Variants in TJP1 observed in about 807,000 individuals in gnomAD.
TJP1 encodes tight junction protein ZO-1.
A neutral mutation model predicts 194.2 loss-of-function variants in TJP1; 43 were observed. That is an observed-to-expected ratio of 0.22 (90% CI 0.17 to 0.29). TJP1 has a LOEUF of 0.29. Among genes scored for constraint, TJP1 ranks in the 10% least tolerant of loss-of-function variants. The pLI is 1.00. For missense variants in TJP1, 1,971 were observed against 2,185.7 expected (o/e 0.90, Z 1.96); for synonymous variants, 801 against 779.0 (o/e 1.03, Z -0.47).
At chr15:29,900,843 C>T (rs1033864012) in intron 2 of TJP1, among the ~76,000 whole-genome samples, 2 of 152,142 alleles carry the variant, frequency 1.3e-5, no homozygotes, top group Non-Finnish European at 2.9e-5. Context: ...AATCCACCCT[C>T]AGGAGTTTAT....
At chr15:29,869,686 G>A (rs1040442039) in intron 2 of TJP1, among the ~76,000 whole-genome samples, 13 of 151,052 alleles carry the variant, frequency 8.6e-5, no homozygotes, top group Admixed American at 7.3e-4. Flanking sequence ...TACAGACACC[G>A]CATCACCCGC....
chr15:29,863,335 T>C (rs1391453222), intron 2 of TJP1, among the ~76,000 whole-genome samples: 1 of 152,034 alleles, frequency 6.6e-6, no homozygotes, highest in Non-Finnish European at 1.5e-5. Flanking sequence ...GCTTGCAATA[T>C]GGACGATGGT....
intron 2 of TJP1, among the ~76,000 whole-genome samples, chr15:29,955,953 T>C (rs1005671362): frequency 6.6e-6 from 1 of 152,048 alleles, no homozygotes; most frequent in African/African-American, 2.4e-5. Context: ...TTCACATTAA[T>C]ACTCTATCGA....
intron 2 of TJP1, among the ~76,000 whole-genome samples, chr15:29,830,883 A>G (rs2050817694): frequency 6.6e-6 from 1 of 152,216 alleles, no homozygotes; most frequent in South Asian, 2.1e-4. Flanking sequence ...AAGAATAATG[A>G]GTCAAAAGGA....
intron 23 of TJP1, among the ~76,000 whole-genome samples, chr15:29,713,873 T>C (rs1398349642): frequency 6.6e-6 from 1 of 152,210 alleles, no homozygotes; most frequent in Admixed American, 6.5e-5. Flanking sequence ...GCCCAAACTA[T>C]ACTTTTCTCT....
intron 2 of TJP1, among the ~76,000 whole-genome samples, chr15:29,851,895 G>T (rs540989110): frequency 6.6e-6 from 1 of 152,116 alleles, no homozygotes; most frequent in Non-Finnish European, 1.5e-5. Flanking sequence ...TAGCCTTTTG[G>T]ATAAATGGTG....
intron 3 of TJP1, 144 bp from the exon 4 acceptor site, chr15:29,772,310 A>C: frequency 3.6e-6 from 2 of 555,860 alleles, no homozygotes; most frequent in Non-Finnish European, 6.2e-6. Context: ...TGATAAAATA[A>C]TGTCAACTGA....
Position 29,746,683 on chromosome 15 carries a change from A to G in TJP1, c.1011-3902T>C, listed in dbSNP as rs372592048. On this transcript the variant is annotated intron_variant, in intron 8 of 27. Transcript: ENST00000614355. ...AGATTGAAAAAATATATTTAAAATTATTTTTAAAGACTAACTTTAAACATA... is the reference window on the plus strand; with the variant it reads ...AGATTGAAAAAATATATTTAAAATTGTTTTTAAAGACTAACTTTAAACATA... Among the ~76,000 whole-genome samples, 3 of 152,170 alleles carry G rather than the reference A, an allele frequency of 2.0e-5. No individual in the cohort carries two copies. In the East Asian group the frequency reaches 5.8e-4, roughly 29 times the overall value.
chr15:29,906,508 T>TAAATAAATAAATAAAG (rs2053819654), intron 2 of TJP1, among the ~76,000 whole-genome samples: 1 of 149,850 alleles, frequency 6.7e-6, no homozygotes, highest in Non-Finnish European at 1.5e-5. Flanking sequence ...AATAAATAAA[T>TAAATAAATAAATAAAG]AAAGTTTAAT....
intron 2 of TJP1, among the ~76,000 whole-genome samples, chr15:29,928,630 T>G (rs2054599349): frequency 6.6e-6 from 1 of 152,162 alleles, no homozygotes; most frequent in Admixed American, 6.5e-5. Flanking sequence ...AATCTTACTC[T>G]CACAATAGTA....
At chr15:29,805,506 G>GT (rs1172952847) in intron 1 of TJP1, among the ~76,000 whole-genome samples, 1 of 152,170 alleles carries the variant, frequency 6.6e-6, no homozygotes, top group Non-Finnish European at 1.5e-5. Context: ...CCTTATGGCT[G>GT]TAATTTCAAA....
At chr15:29,802,091 A>G (rs2151894794) in intron 1 of TJP1, among the ~76,000 whole-genome samples, 1 of 152,308 alleles carries the variant, frequency 6.6e-6, no homozygotes, top group South Asian at 2.1e-4. Context: ...TAATGTTACC[A>G]TTTTATGAAA....
intron 4 of TJP1, among the ~76,000 whole-genome samples, chr15:29,768,824 T>A (rs1174443859): frequency 6.6e-6 from 1 of 151,976 alleles, no homozygotes; most frequent in Non-Finnish European, 1.5e-5. Flanking sequence ...AAATTTGGAA[T>A]CAAAATATTT....
intron 2 of TJP1, among the ~76,000 whole-genome samples, chr15:29,847,368 T>G (rs1275316609): frequency 6.6e-6 from 1 of 152,216 alleles, no homozygotes; most frequent in East Asian, 1.9e-4. Context: ...TATTTTTAAT[T>G]CTATTAATTT....
At chr15:29,914,221 T>C (rs964425227) in intron 2 of TJP1, among the ~76,000 whole-genome samples, 3 of 152,204 alleles carry the variant, frequency 2.0e-5, no homozygotes, top group African/African-American at 4.8e-5. Context: ...TAAATAAATA[T>C]AGTTTCTTCC....
At chr15:29,771,989 T>A in intron 4 of TJP1, 75 bp downstream of exon 4, 1 of 930,676 alleles carries the variant, frequency 1.1e-6, no homozygotes, top group Non-Finnish European at 1.6e-6. Flanking sequence ...ATGGGAAGGA[T>A]AAATTCAAAT....
At chr15:29,838,122 A>G (rs2051098017) in intron 2 of TJP1, among the ~76,000 whole-genome samples, 1 of 152,194 alleles carries the variant, frequency 6.6e-6, no homozygotes, top group Non-Finnish European at 1.5e-5. Context: ...TTTTGAAACA[A>G]TCGTAGATTA....
chr15:29,949,244 TTCACCA>T (rs1567224179), intron 2 of TJP1, among the ~76,000 whole-genome samples: 2 of 41,664 alleles, frequency 4.8e-5, no homozygotes, highest in African/African-American at 1.3e-4. Context: ...TACCTCCACC[TTCACCA>T]CCACCTCCAC....
intron 8 of TJP1, among the ~76,000 whole-genome samples, chr15:29,747,242 G>A (rs371260298): frequency 3.7e-4 from 56 of 152,224 alleles, no homozygotes; most frequent in African/African-American, 1.1e-3. Context: ...CCGATATTGC[G>A]CCACTGCACT....
Sources: allele counts gnomAD v4.1 joint callset (sites outside exome capture counted in the v4.1 genomes callset), GRCh38; gene constraint gnomAD v4.1.1; transcripts MANE v1.5; gene names NCBI Gene and HGNC (gene_info 2026-07-23, HGNC 2026-07-21).